NALCN: variants seen among roughly 807,000 people sequenced by gnomAD.
The protein encoded by NALCN is sodium leak channel NALCN.
A neutral mutation model predicts 225.3 loss-of-function variants in NALCN; 111 were observed. The observed-to-expected ratio is 0.49, with a 90% CI of 0.42 to 0.58. The LOEUF is 0.58. Among genes scored for constraint, NALCN ranks in the 20% least tolerant of loss-of-function variants. The pLI is 0.00. For synonymous variants in NALCN, 764 were observed against 769.0 expected (o/e 0.99, Z 0.11); for missense variants, 1,378 against 2,202.4 (o/e 0.63, Z 7.49).
chr13:101,093,584 A>G (rs2034347158), intron 28 of NALCN, among the ~76,000 whole-genome samples: 1 of 152,216 alleles, frequency 6.6e-6, no homozygotes. Context: ...TGAAACCCCT[A>G]ATAATACCTT....
intron 28 of NALCN, among the ~76,000 whole-genome samples, chr13:101,093,754 G>A (rs1311812438): frequency 6.6e-6 from 1 of 152,132 alleles, no homozygotes; most frequent in African/African-American, 2.4e-5. Context: ...TCTTGGGGAG[G>A]TCCCAGAGCT....
intron 1 of NALCN, among the ~76,000 whole-genome samples, chr13:101,406,197 G>T (rs1403167140): frequency 6.6e-6 from 1 of 151,358 alleles, no homozygotes; most frequent in Non-Finnish European, 1.5e-5. Context: ...GTACTGGCAT[G>T]CACCTGTAGT....
At chr13:101,075,850 A>C (rs747130633) in intron 35 of NALCN, 23 bp downstream of exon 35, 1 of 1,583,140 alleles carries the variant, frequency 6.3e-7, no homozygotes, top group Non-Finnish European at 8.6e-7. Context: ...CCTTTAAGAT[A>C]AGATTCTTAA....
chr13:101,202,788 G>A (rs1032986539), intron 13 of NALCN, among the ~76,000 whole-genome samples: 1 of 152,168 alleles, frequency 6.6e-6, no homozygotes, highest in African/African-American at 2.4e-5. Flanking sequence ...TGTAACTTCA[G>A]CCACCTCCAT....
At chr13:101,312,535 T>C (rs1307517879) in intron 7 of NALCN, among the ~76,000 whole-genome samples, 1 of 151,918 alleles carries the variant, frequency 6.6e-6, no homozygotes, top group Non-Finnish European at 1.5e-5. Context: ...GCTTTGAATG[T>C]GTCCCAGAGA....
intron 10 of NALCN, among the ~76,000 whole-genome samples, chr13:101,265,909 A>T (rs1205597750): frequency 3.3e-5 from 5 of 152,208 alleles, no homozygotes; most frequent in African/African-American, 1.2e-4. Context: ...TTGTGGTTGG[A>T]TAGAAGGTAT....
intron 3 of NALCN, among the ~76,000 whole-genome samples, chr13:101,392,000 A>G (rs2047160838): frequency 6.6e-6 from 1 of 151,270 alleles, no homozygotes; most frequent in African/African-American, 2.4e-5. Flanking sequence ...AACAAAAACA[A>G]AAACAAAAAA....
intron 13 of NALCN, among the ~76,000 whole-genome samples, chr13:101,226,388 A>G (rs2041142519): frequency 6.6e-6 from 1 of 152,184 alleles, no homozygotes; most frequent in Non-Finnish European, 1.5e-5. Context: ...CCTGAGCAAA[A>G]TTGGCCAGAA....
intron 10 of NALCN, among the ~76,000 whole-genome samples, chr13:101,258,910 A>C (rs1594545925): frequency 6.6e-6 from 1 of 152,348 alleles, no homozygotes; most frequent in East Asian, 1.9e-4. Flanking sequence ...ATGGCTTTTA[A>C]AAAGCTAGTA....
intron 18 of NALCN, 22 bp downstream of exon 18, chr13:101,124,586 T>C (rs2036141528): frequency 2.5e-6 from 4 of 1,595,322 alleles, no homozygotes; most frequent in Non-Finnish European, 3.4e-6. Flanking sequence ...TTTAAATATG[T>C]GTCAACATTA....
At chr13:101,287,549 T>C (rs1391095384) in intron 9 of NALCN, among the ~76,000 whole-genome samples, 2 of 152,242 alleles carry the variant, frequency 1.3e-5, no homozygotes, top group Non-Finnish European at 2.9e-5. Flanking sequence ...CACAGTATTA[T>C]TATGAAAATT....
At chr13:101,200,363 A>C (rs1420682254) in intron 13 of NALCN, among the ~76,000 whole-genome samples, 6 of 152,128 alleles carry the variant, frequency 3.9e-5, no homozygotes, top group Non-Finnish European at 8.8e-5. Context: ...TGCTAAATCC[A>C]ACCTTAGTCC....
intron 3 of NALCN, among the ~76,000 whole-genome samples, chr13:101,382,672 A>G (rs2046883546): frequency 6.6e-6 from 1 of 152,230 alleles, no homozygotes; most frequent in Non-Finnish European, 1.5e-5. Flanking sequence ...AGTGGTGATC[A>G]GAAATTAGAA....
In NALCN at chr13:101,237,737, A is replaced by C; in HGVS notation, c.1434+18T>G. 6.5e-7 allele frequency: 1 copy of C among 1,527,144 alleles called. No homozygotes were observed. The highest frequency in any genetic ancestry group is 8.8e-7 in the Non-Finnish European group (1 of 1,136,618). The allele number at this position is 1,527,144 out of a possible 1,614,324, so 94.6% of individuals were successfully genotyped here. ...AATAAATAAATTTCTAAAGACAAAT[A>C]GGCATTATTTTTATTACCTGAAAGT... On this transcript the variant is annotated intron_variant, in intron 12 of 43. Transcript: ENST00000251127.
At chr13:101,293,074 C>T (rs1361258187) in intron 7 of NALCN, among the ~76,000 whole-genome samples, 1 of 152,108 alleles carries the variant, frequency 6.6e-6, no homozygotes, top group Admixed American at 6.5e-5. Flanking sequence ...CCTAACAACA[C>T]TATAAGATGT....
intron 18 of NALCN, among the ~76,000 whole-genome samples, chr13:101,119,597 T>G (rs2035874767): frequency 6.6e-6 from 1 of 152,258 alleles, no homozygotes; most frequent in Admixed American, 6.5e-5. Flanking sequence ...ATGCATTTTT[T>G]GCTCGATTTC....
At chr13:101,279,106 A>G (rs900397801) in intron 10 of NALCN, among the ~76,000 whole-genome samples, 1 of 139,878 alleles carries the variant, frequency 7.1e-6, no homozygotes, top group African/African-American at 2.5e-5. Flanking sequence ...TTGGAGAAGC[A>G]GACATCAACA....
intron 27 of NALCN, among the ~76,000 whole-genome samples, chr13:101,096,429 G>A (rs2034504562): frequency 1.3e-5 from 2 of 152,118 alleles, no homozygotes; most frequent in African/African-American, 4.8e-5. Flanking sequence ...ACAACATGGA[G>A]GATCCTTGAA....
intron 26 of NALCN, among the ~76,000 whole-genome samples, chr13:101,101,704 G>A (rs1240343608): frequency 1.3e-5 from 2 of 152,154 alleles, no homozygotes; most frequent in Non-Finnish European, 2.9e-5. Context: ...ATTCAGTCCT[G>A]AAGAGCAAAT....
Sources: allele counts gnomAD v4.1 joint callset (sites outside exome capture counted in the v4.1 genomes callset), GRCh38; gene constraint gnomAD v4.1.1; transcripts MANE v1.5; gene names NCBI Gene and HGNC (gene_info 2026-07-23, HGNC 2026-07-21).